Variants in SDCCAG8 observed in about 807,000 individuals in gnomAD.
The protein encoded by SDCCAG8 is serologically defined colon cancer antigen 8.
In SDCCAG8, 74 loss-of-function variants were observed where a neutral mutation model predicts 101.8. The observed-to-expected ratio is 0.73, with a 90% confidence interval of 0.60 to 0.88. The LOEUF (loss-of-function observed/expected upper bound fraction) is 0.88, where lower values mean the gene tolerates loss of function less well. Ranked by LOEUF, SDCCAG8 falls within the 40% of genes least tolerant of loss-of-function variation. The pLI is 0.00. For synonymous variants in SDCCAG8, 281 were observed against 292.9 expected (o/e 0.96, Z 0.41); for missense variants, 787 against 822.6 (o/e 0.96, Z 0.53).
chr1:243,307,676 A>G lies in SDCCAG8; in HGVS notation c.741-313A>G, dbSNP rs989907882. The G allele has an allele frequency of 1.1e-5, 14 of 1,241,770 alleles. No homozygotes were observed. In the African/African-American group the frequency reaches 2.0e-4, roughly 18 times the overall value. 76.9% of individuals were successfully genotyped at this position (1,241,770 alleles called of 1,614,324 possible). A position where few individuals can be genotyped will look rare whatever the true frequency, so the allele number is the denominator to read the frequency against. ...GAGTTTTATTTTTGTTTTGTGGTTA[A>G]TATAACATTAATGGAGGTTGGATCC... On this transcript the variant is annotated intron_variant, in intron 7 of 17. Coordinates refer to ENST00000366541, the MANE Select transcript of SDCCAG8 (RefSeq NM_006642.5).
intron 16 of SDCCAG8, among the ~76,000 whole-genome samples, chr1:243,443,436 G>T (rs2082680577): frequency 6.6e-6 from 1 of 152,182 alleles, no homozygotes; most frequent in Non-Finnish European, 1.5e-5. Flanking sequence ...CACTCAATGG[G>T]ACTTGGGAAG....
chr1:243,335,722 A>G (rs1010068459), intron 10 of SDCCAG8, among the ~76,000 whole-genome samples: 1 of 152,152 alleles, frequency 6.6e-6, no homozygotes, highest in African/African-American at 2.4e-5. Context: ...TTGGTTTACA[A>G]ATTATCTTGT....
At chr1:243,451,721 C>T (rs12127169) in intron 16 of SDCCAG8, among the ~76,000 whole-genome samples, 15,496 of 152,068 alleles carry the variant, frequency 0.1, 819 homozygotes, top group Non-Finnish European at 0.11. Context: ...CTCACAAGTT[C>T]GAGATCAGCC....
chr1:243,446,489 C>G (rs1240968765), intron 16 of SDCCAG8, among the ~76,000 whole-genome samples: 1 of 152,214 alleles, frequency 6.6e-6, no homozygotes, highest in Non-Finnish European at 1.5e-5. Flanking sequence ...TGGTCTCGAA[C>G]TCCTGGGCTC....
At chr1:243,376,933 A>T (rs895907865) in intron 12 of SDCCAG8, among the ~76,000 whole-genome samples, 3 of 152,192 alleles carry the variant, frequency 2.0e-5, no homozygotes, top group African/African-American at 7.2e-5. Context: ...TCTACAATTA[A>T]AGAGCTTTCA....
intron 8 of SDCCAG8, among the ~76,000 whole-genome samples, chr1:243,311,234 A>C (rs2783971): frequency 0.46 from 70,551 of 151,970 alleles, 17,826 homozygotes; most frequent in East Asian, 0.74. Flanking sequence ...AGTATGAAAA[A>C]CGGAAGTAGT....
intron 13 of SDCCAG8, among the ~76,000 whole-genome samples, chr1:243,385,862 G>A (rs781067629): frequency 1.6e-4 from 24 of 152,228 alleles, no homozygotes; most frequent in Non-Finnish European, 2.9e-4. Context: ...CCAGCTACTC[G>A]GGAGGCCGAG....
chr1:243,317,999 C>T (rs2073411049), intron 9 of SDCCAG8: 3 of 455,458 alleles, frequency 6.6e-6, no homozygotes, highest in Non-Finnish European at 8.8e-6. Flanking sequence ...ATAAATCATT[C>T]TGCTGCAAAG....
At chr1:243,279,558 CA>C (rs2068857221) in intron 4 of SDCCAG8, among the ~76,000 whole-genome samples, 2 of 152,112 alleles carry the variant, frequency 1.3e-5, no homozygotes, top group Non-Finnish European at 2.9e-5. Flanking sequence ...ATAATAACGT[CA>C]AAAAAATCAT....
intron 13 of SDCCAG8, among the ~76,000 whole-genome samples, chr1:243,395,014 A>G (rs2078951795): frequency 6.6e-6 from 1 of 152,202 alleles, no homozygotes; most frequent in Non-Finnish European, 1.5e-5. Flanking sequence ...CATTTATAAA[A>G]GTAATGATTT....
At chr1:243,473,071 C>T (rs1574249217) in intron 16 of SDCCAG8, among the ~76,000 whole-genome samples, 2 of 137,970 alleles carry the variant, frequency 1.4e-5, no homozygotes, top group African/African-American at 2.7e-5. Flanking sequence ...CTTTGTCTTC[C>T]GAGTTTAGGA....
At chr1:243,259,073 C>T (rs2066987005) in intron 1 of SDCCAG8, among the ~76,000 whole-genome samples, 1 of 152,150 alleles carries the variant, frequency 6.6e-6, no homozygotes, top group Non-Finnish European at 1.5e-5. Context: ...AATGCTTTCC[C>T]TATTTTCCGT....
chr1:243,272,684 T>G (rs1425127119), intron 3 of SDCCAG8, among the ~76,000 whole-genome samples: 1 of 152,218 alleles, frequency 6.6e-6, no homozygotes, highest in Non-Finnish European at 1.5e-5. Context: ...CAGAGTGCAC[T>G]TTAAAATACA....
intron 4 of SDCCAG8, among the ~76,000 whole-genome samples, chr1:243,277,892 G>C (rs1450011610): frequency 3.9e-5 from 6 of 152,102 alleles, no homozygotes; most frequent in Admixed American, 3.9e-4. Context: ...ACTCTATCTT[G>C]ATTACTGTAG....
chr1:243,313,920 A>G (rs1294247139), intron 8 of SDCCAG8, among the ~76,000 whole-genome samples: 2 of 152,202 alleles, frequency 1.3e-5, no homozygotes, highest in African/African-American at 4.8e-5. Context: ...CTAAAAAATG[A>G]AAGCTCAGAC....
chr1:243,349,463 T>G (rs2075959130), intron 12 of SDCCAG8, among the ~76,000 whole-genome samples: 2 of 152,210 alleles, frequency 1.3e-5, no homozygotes, highest in Admixed American at 1.3e-4. Flanking sequence ...TGTCTGACCC[T>G]TTACAGAAAA....
intron 1 of SDCCAG8, among the ~76,000 whole-genome samples, chr1:243,262,231 C>T (rs922203298): frequency 6.7e-6 from 1 of 148,256 alleles, no homozygotes; most frequent in Non-Finnish European, 1.5e-5. Context: ...CTCAGCCTCC[C>T]GAGTAGCTGT....
chr1:243,437,531 C>CTTTTTTTTTTTT (rs931257839), intron 16 of SDCCAG8, among the ~76,000 whole-genome samples: 1 of 129,586 alleles, frequency 7.7e-6, no homozygotes. Flanking sequence ...TGGAGGAATT[C>CTTTTTTTTTTTT]TTTTTTTTTT....
At chr1:243,326,501 A>G (rs1422372604) in intron 9 of SDCCAG8, among the ~76,000 whole-genome samples, 4 of 152,224 alleles carry the variant, frequency 2.6e-5, no homozygotes, top group Non-Finnish European at 5.9e-5. Flanking sequence ...TGATTTGCAC[A>G]TTATCTGTCC....
Sources: gnomAD v4.1 joint callset for allele counts (sites outside exome capture counted in the v4.1 genomes callset) on GRCh38, gnomAD v4.1.1 for gene constraint, MANE v1.5 for transcripts, NCBI Gene and HGNC (gene_info 2026-07-23, HGNC 2026-07-21) for gene names.